The following ZPBP variants were observed in gnomAD, a reference collection of about 807,000 sequenced individuals.
ZPBP encodes zona pellucida-binding protein 1.
In ZPBP, 26 loss-of-function variants were observed where a neutral mutation model predicts 44.8. The observed-to-expected ratio is 0.58, with a 90% CI of 0.43 to 0.81. ZPBP has a LOEUF of 0.81. Among genes scored for constraint, ZPBP ranks in the 30% least tolerant of loss-of-function variants. ZPBP has a pLI of 0.00. For synonymous variants in ZPBP, 174 were observed against 153.2 expected (o/e 1.14, Z -1.00); for missense variants, 409 against 434.0 (o/e 0.94, Z 0.51).
At chr7:50,052,238 A>G (rs968754349) in intron 4 of ZPBP, among the ~76,000 whole-genome samples, 2 of 152,188 alleles carry the variant, frequency 1.3e-5, no homozygotes, top group Non-Finnish European at 2.9e-5. Flanking sequence ...ATTAAATATC[A>G]AAAAACCCAA....
chr7:49,958,624 A>G (rs1344038085), intron 7 of ZPBP, among the ~76,000 whole-genome samples: 2 of 152,218 alleles, frequency 1.3e-5, no homozygotes, highest in Non-Finnish European at 2.9e-5. Flanking sequence ...CCCAGCTTCC[A>G]GAACTGTAAG....
intron 2 of ZPBP, among the ~76,000 whole-genome samples, chr7:50,084,516 G>A (rs1210886136): frequency 1.3e-5 from 2 of 151,794 alleles, no homozygotes; most frequent in African/African-American, 4.8e-5. Flanking sequence ...AGGCGAACGA[G>A]TTAAAAAGAG....
chr7:49,993,537 A>C (rs1797661521), intron 6 of ZPBP, among the ~76,000 whole-genome samples: 1 of 152,244 alleles, frequency 6.6e-6, no homozygotes, highest in Non-Finnish European at 1.5e-5. Flanking sequence ...GTTTTTCTCT[A>C]TATTAAAAAC....
intron 7 of ZPBP, chr7:49,942,752 T>C (rs1353454425): frequency 6.5e-6 from 1 of 153,800 alleles, no homozygotes; most frequent in Non-Finnish European, 1.5e-5. Context: ...GCTCTCAAGC[T>C]CTTTCTCCAG....
At chr7:49,868,134 A>C (rs1471371971) in intron 2 of ZPBP, among the ~76,000 whole-genome samples, 2 of 152,114 alleles carry the variant, frequency 1.3e-5, no homozygotes, top group Non-Finnish European at 2.9e-5. Flanking sequence ...GTGCCTGTCC[A>C]AGGAAAATTA....
chr7:50,087,864 G>T (rs930708698), intron 2 of ZPBP, among the ~76,000 whole-genome samples: 3 of 151,908 alleles, frequency 2.0e-5, no homozygotes, highest in Admixed American at 2.0e-4. Flanking sequence ...TCCTAAAATT[G>T]ATCTACAGAT....
intron 7 of ZPBP, among the ~76,000 whole-genome samples, chr7:49,968,027 G>GA (rs1796133468): frequency 6.6e-6 from 1 of 151,946 alleles, no homozygotes; most frequent in South Asian, 2.1e-4. Context: ...ATATAAGTAT[G>GA]AAAAGATAAA....
rs891060238 is a variant in ZPBP, at chr7:50,093,209, C to T, written c.-15G>A. 3.0e-5 allele frequency: 46 copies of T among 1,509,836 alleles called. No individual in the cohort carries two copies. Among genetic ancestry groups the T allele is most frequent in the Non-Finnish European group, 3.7e-5 (42 of 1,132,470 alleles). 93.5% of individuals were successfully genotyped at this position (1,509,836 alleles called of 1,614,324 possible). A position where few individuals can be genotyped will look rare whatever the true frequency, so the allele number is the denominator to read the frequency against. On this transcript the variant is annotated 5_prime_UTR_variant, in exon 1 of 8. Transcript: ENST00000046087. The stretch of plus-strand genomic sequence containing the variant: ...AAGGCCTCCATCCACACGCCGCCGT[C>T]GCCTGCCCACCGTCCGCGCGGAAGG...
chr7:49,990,136 T>C (rs994428478), intron 6 of ZPBP, among the ~76,000 whole-genome samples: 15 of 152,242 alleles, frequency 9.9e-5, no homozygotes, highest in African/African-American at 3.4e-4. Context: ...TAATGGAAGT[T>C]AAAAGGCACA....
chr7:49,877,493 T>C lies in ZPBP; in HGVS notation n.509+23625A>G, dbSNP rs868653831. Among the ~76,000 whole-genome samples, 482 of 61,252 alleles carry C rather than the reference T, an allele frequency of 7.9e-3. 73 individuals are homozygous for C. Among genetic ancestry groups the C allele is most frequent in the African/African-American group, 0.031 (361 of 11,678 alleles). The allele number at this position is 61,252 out of a possible 152,430, so 40.2% of individuals were successfully genotyped here. On this transcript the variant is annotated intron_variant and non_coding_transcript_variant, in intron 2 of 2. Transcript: ENST00000465922. ...AAAAAAAAAAAAAAATATATATATA[T>C]ATATATATATATATATATATATATA...
intron 4 of ZPBP, among the ~76,000 whole-genome samples, chr7:50,053,026 G>A (rs1800766675): frequency 6.6e-6 from 1 of 152,088 alleles, no homozygotes; most frequent in African/African-American, 2.4e-5. Context: ...TATGGTTGTA[G>A]ATACCTGAGC....
intron 1 of ZPBP, among the ~76,000 whole-genome samples, chr7:49,922,656 T>G (rs560599997): frequency 2.6e-5 from 4 of 152,302 alleles, no homozygotes; most frequent in Non-Finnish European, 5.9e-5. Flanking sequence ...AGAAGTTGAA[T>G]AGCACTTTTT....
intron 2 of ZPBP, among the ~76,000 whole-genome samples, chr7:49,874,528 T>C (rs1308937818): frequency 6.7e-6 from 1 of 149,804 alleles, no homozygotes; most frequent in Non-Finnish European, 1.5e-5. Context: ...TCCTCGTTGT[T>C]ACATGACGCA....
intron 6 of ZPBP, among the ~76,000 whole-genome samples, chr7:49,986,866 T>C (rs1354712935): frequency 6.6e-6 from 1 of 152,180 alleles, no homozygotes; most frequent in Non-Finnish European, 1.5e-5. Context: ...GGATGGGATA[T>C]GGGCCCAGGA....
At chr7:49,943,137 C>T (rs1794958754) in intron 7 of ZPBP, 1 of 326,676 alleles carries the variant, frequency 3.1e-6, no homozygotes, top group Non-Finnish European at 6.0e-6. Flanking sequence ...AGTTACTCCA[C>T]CCTTTAGTAA....
chr7:50,063,054 G>A (rs946797781), intron 3 of ZPBP, among the ~76,000 whole-genome samples: 1 of 152,102 alleles, frequency 6.6e-6, no homozygotes, highest in African/African-American at 2.4e-5. Flanking sequence ...TCAATTAATT[G>A]AGACATGCAT....
At chr7:49,959,409 A>C (rs1795754605) in intron 7 of ZPBP, among the ~76,000 whole-genome samples, 1 of 152,136 alleles carries the variant, frequency 6.6e-6, no homozygotes, top group Non-Finnish European at 1.5e-5. Context: ...TAATATTTTA[A>C]AAATCCATAA....
intron 4 of ZPBP, among the ~76,000 whole-genome samples, chr7:50,056,896 T>C (rs1232710304): frequency 6.6e-6 from 1 of 151,998 alleles, no homozygotes; most frequent in East Asian, 1.9e-4. Flanking sequence ...AGTAAAACAG[T>C]AGGCCTTGGC....
At chr7:49,840,807 G>A in the ZPBP span, among the ~76,000 whole-genome samples, 5 of 152,160 alleles carry the variant, frequency 3.3e-5, no homozygotes, top group South Asian at 6.2e-4. Flanking sequence ...TTTCAGGTTC[G>A]CAGTGAGTCA....
Sources: allele counts gnomAD v4.1 joint callset (sites outside exome capture counted in the v4.1 genomes callset), GRCh38; gene constraint gnomAD v4.1.1; transcripts MANE v1.5; gene names NCBI Gene and HGNC (gene_info 2026-07-23, HGNC 2026-07-21).